MAST4: variants seen among roughly 807,000 people sequenced by gnomAD.
MAST4 encodes the protein microtubule associated serine/threonine kinase family member 4, also known as microtubule-associated serine/threonine-protein kinase 4.
A neutral mutation model predicts 162.7 loss-of-function variants in MAST4; 89 were observed. The observed-to-expected ratio is 0.55, with a 90% confidence interval of 0.46 to 0.65. The LOEUF (loss-of-function observed/expected upper bound fraction) is 0.65. Ranked by LOEUF, MAST4 falls within the 30% of genes least tolerant of loss-of-function variation. The probability of loss-of-function intolerance (pLI) is 0.00; values close to 1 mark genes in which losing one functional copy is unlikely to be tolerated. For missense variants in MAST4, 3,153 were observed against 3,374.0 expected (o/e 0.93, Z 1.62); for synonymous variants, 1,479 against 1,361.1 (o/e 1.09, Z -1.91).
At chr5:66,907,086 G>A (rs1235510027) in intron 4 of MAST4, among the ~76,000 whole-genome samples, 1 of 151,210 alleles carries the variant, frequency 6.6e-6, no homozygotes, top group African/African-American at 2.4e-5. Flanking sequence ...GAAAGATTAA[G>A]CTTGTGGACA....
At chr5:66,797,690 G>T (rs534690026) in intron 3 of MAST4, among the ~76,000 whole-genome samples, 2 of 152,296 alleles carry the variant, frequency 1.3e-5, no homozygotes, top group Non-Finnish European at 2.9e-5. Flanking sequence ...ATTCATAGAA[G>T]CAGAAGAAAG....
intron 21 of MAST4, among the ~76,000 whole-genome samples, 164 bp from the exon 22 acceptor site, chr5:67,144,505 T>C (rs1770816765): frequency 6.6e-6 from 1 of 151,858 alleles, no homozygotes; most frequent in South Asian, 2.1e-4. Context: ...CCCTGACCCT[T>C]CCTCTCTGGA....
At chr5:66,816,603 T>C (rs1437252926) in intron 3 of MAST4, among the ~76,000 whole-genome samples, 1 of 152,042 alleles carries the variant, frequency 6.6e-6, no homozygotes, top group Non-Finnish European at 1.5e-5. Context: ...AAGTCCAGGA[T>C]GGTTTGAGGT....
At chr5:66,979,330 C>T (rs936694766) in intron 4 of MAST4, among the ~76,000 whole-genome samples, 2 of 152,006 alleles carry the variant, frequency 1.3e-5, no homozygotes, top group Non-Finnish European at 1.5e-5. Flanking sequence ...GGCAGATGCT[C>T]GGCAAAATCC....
intron 11 of MAST4, among the ~76,000 whole-genome samples, chr5:67,113,156 T>C (rs1039374565): frequency 8.6e-5 from 13 of 151,180 alleles, no homozygotes; most frequent in African/African-American, 1.7e-4. Context: ...TACTAAAAAA[T>C]ACAAAAAATT....
At chr5:66,993,823 G>A (rs1463146742) in intron 4 of MAST4, among the ~76,000 whole-genome samples, 2 of 151,756 alleles carry the variant, frequency 1.3e-5, no homozygotes, top group African/African-American at 4.8e-5. Context: ...TTTTTGTGGA[G>A]TACCTCTCAA....
At chr5:66,958,161 G>A (rs1745555851) in intron 4 of MAST4, among the ~76,000 whole-genome samples, 1 of 152,112 alleles carries the variant, frequency 6.6e-6, no homozygotes, top group Non-Finnish European at 1.5e-5. Flanking sequence ...GAGAGAGAGA[G>A]AAAGAGAGAG....
At chr5:66,991,268 C>A (rs965572905) in intron 4 of MAST4, among the ~76,000 whole-genome samples, 1 of 152,076 alleles carries the variant, frequency 6.6e-6, no homozygotes, top group South Asian at 2.1e-4. Flanking sequence ...CTCATATTTA[C>A]GAAATGCCAA....
intron 2 of MAST4, among the ~76,000 whole-genome samples, chr5:66,762,389 C>G (rs1030647247): frequency 6.6e-6 from 1 of 152,068 alleles, no homozygotes; most frequent in Non-Finnish European, 1.5e-5. Flanking sequence ...AAATAATATA[C>G]ACAAAGCAGC....
chr5:67,102,339 T>C (rs577403906), intron 8 of MAST4, among the ~76,000 whole-genome samples, 197 bp from the exon 9 acceptor site: 1 of 152,350 alleles, frequency 6.6e-6, no homozygotes, highest in African/African-American at 2.4e-5. Flanking sequence ...TTTTCAGTCC[T>C]ATTCAGAGTA....
At chr5:67,086,760 T>G (rs1184821742) in intron 5 of MAST4, among the ~76,000 whole-genome samples, 1 of 152,182 alleles carries the variant, frequency 6.6e-6, no homozygotes, top group African/African-American at 2.4e-5. Context: ...GTGGATGAAT[T>G]CAGAGAGCAG....
At chr5:66,939,886 A>G (rs1743179146) in intron 4 of MAST4, among the ~76,000 whole-genome samples, 1 of 152,118 alleles carries the variant, frequency 6.6e-6, no homozygotes, top group Non-Finnish European at 1.5e-5. Flanking sequence ...TTAAGTGTGC[A>G]ATAGCATTCT....
intron 3 of MAST4, among the ~76,000 whole-genome samples, chr5:66,833,201 G>A (rs949049958): frequency 1.1e-4 from 16 of 152,232 alleles, no homozygotes; most frequent in Admixed American, 3.9e-4. Context: ...AAACCACAAC[G>A]TTGTCATCTC....
intron 1 of MAST4, among the ~76,000 whole-genome samples, chr5:66,734,161 C>T (rs1281046615): frequency 6.6e-6 from 1 of 152,118 alleles, no homozygotes; most frequent in African/African-American, 2.4e-5. Flanking sequence ...TACTCTGTGA[C>T]CTTGTATGTA....
chr5:66,991,262 T>C (rs370222301), intron 4 of MAST4, among the ~76,000 whole-genome samples: 1 of 152,332 alleles, frequency 6.6e-6, no homozygotes, highest in East Asian at 1.9e-4. Context: ...GTATGGCTCA[T>C]ATTTACGAAA....
At chr5:67,030,911 G>A (rs1315342473) in intron 4 of MAST4, among the ~76,000 whole-genome samples, 2 of 152,106 alleles carry the variant, frequency 1.3e-5, no homozygotes, top group African/African-American at 2.4e-5. Context: ...AACTGTTATG[G>A]TGAAATTTTT....
At chr5:67,011,794 G>A (rs1247228543) in intron 4 of MAST4, among the ~76,000 whole-genome samples, 2 of 152,208 alleles carry the variant, frequency 1.3e-5, no homozygotes, top group Admixed American at 6.5e-5. Flanking sequence ...CTTACAGTAG[G>A]AGATCACAGA....
chr5:66,686,340 T>C (rs1188140384), intron 1 of MAST4, among the ~76,000 whole-genome samples: 1 of 152,150 alleles, frequency 6.6e-6, no homozygotes, highest in Non-Finnish European at 1.5e-5. Context: ...ATTATTATTA[T>C]TGTATCATTG....
At chr5:66,892,667 A>T (rs1052054407) in intron 3 of MAST4, among the ~76,000 whole-genome samples, 3 of 151,186 alleles carry the variant, frequency 2.0e-5, no homozygotes, top group African/African-American at 7.3e-5. Context: ...TATCAGTACC[A>T]GCCCTCCCTG....
Sources: gnomAD v4.1 joint callset for allele counts (sites outside exome capture counted in the v4.1 genomes callset) on GRCh38, gnomAD v4.1.1 for gene constraint, MANE v1.5 for transcripts, NCBI Gene and HGNC (gene_info 2026-07-23, HGNC 2026-07-21) for gene names.